SLC9A9: variants seen among roughly 807,000 people sequenced by gnomAD.
SLC9A9 encodes solute carrier family 9 member A9, also known as sodium/hydrogen exchanger 9.
A neutral mutation model predicts 77.8 loss-of-function variants in SLC9A9; 62 were observed. The observed-to-expected ratio is 0.80, with a 90% CI of 0.65 to 0.98. The LOEUF is 0.98. Among genes scored for constraint, SLC9A9 ranks in the 50% least tolerant of loss-of-function variants. SLC9A9 has a pLI of 0.00. For missense variants in SLC9A9, 775 were observed against 774.9 expected (o/e 1.00, Z 0.00); for synonymous variants, 320 against 283.5 (o/e 1.13, Z -1.29).
At chr3:143,553,434 G>A (rs534200483) in intron 8 of SLC9A9, among the ~76,000 whole-genome samples, 1 of 152,122 alleles carries the variant, frequency 6.6e-6, no homozygotes, top group Admixed American at 6.6e-5. Context: ...TCAGACCAAG[G>A]GGATTGAATT....
intron 12 of SLC9A9, among the ~76,000 whole-genome samples, chr3:143,433,921 T>A (rs1483211501): frequency 6.6e-6 from 1 of 152,220 alleles, no homozygotes; most frequent in African/African-American, 2.4e-5. Flanking sequence ...CAGGTTTTTA[T>A]GAGGAAGACT....
At chr3:143,785,999 G>A (rs2008044918) in intron 4 of SLC9A9, among the ~76,000 whole-genome samples, 1 of 151,360 alleles carries the variant, frequency 6.6e-6, no homozygotes, top group Admixed American at 6.6e-5. Context: ...TGGGACTACA[G>A]GCACGCGCCA....
intron 12 of SLC9A9, among the ~76,000 whole-genome samples, chr3:143,387,541 T>C (rs1350090472): frequency 6.6e-6 from 1 of 152,180 alleles, no homozygotes; most frequent in Non-Finnish European, 1.5e-5. Flanking sequence ...TTTAAGCAAG[T>C]TGAGTGCTGC....
intron 6 of SLC9A9, among the ~76,000 whole-genome samples, chr3:143,601,104 G>A (rs1260187473): frequency 6.6e-6 from 1 of 152,142 alleles, no homozygotes; most frequent in Non-Finnish European, 1.5e-5. Flanking sequence ...TTTTCAAAAT[G>A]TCTTGTCTTT....
chr3:143,690,152 T>G (rs184050623), intron 5 of SLC9A9, among the ~76,000 whole-genome samples: 230 of 151,848 alleles, frequency 1.5e-3, no homozygotes, highest in African/African-American at 5.2e-3. Context: ...CAGTTTTTAG[T>G]TATCATATTT....
At chr3:143,631,449 A>T (rs2038421319) in intron 6 of SLC9A9, among the ~76,000 whole-genome samples, 3 of 152,194 alleles carry the variant, frequency 2.0e-5, no homozygotes, top group South Asian at 2.1e-4. Context: ...TATCAAGGAG[A>T]GGGTACTCTT....
chr3:143,309,526 T>A (rs1321891335), intron 14 of SLC9A9, among the ~76,000 whole-genome samples: 1 of 152,162 alleles, frequency 6.6e-6, no homozygotes, highest in Non-Finnish European at 1.5e-5. Flanking sequence ...TTTCATGATT[T>A]CTCAGTAGTT....
At chr3:143,678,895 T>C (rs1932983333) in intron 5 of SLC9A9, among the ~76,000 whole-genome samples, 1 of 152,216 alleles carries the variant, frequency 6.6e-6, no homozygotes, top group Non-Finnish European at 1.5e-5. Context: ...TAGCATCGGC[T>C]ACTGCTTTCC....
At chr3:143,560,612 A>T (rs1456980650) in intron 8 of SLC9A9, among the ~76,000 whole-genome samples, 1 of 152,000 alleles carries the variant, frequency 6.6e-6, no homozygotes, top group Non-Finnish European at 1.5e-5. Context: ...AATTTTTTTT[A>T]CTTTACTTTA....
At chr3:143,342,098 GT>G (rs1216307134) in intron 14 of SLC9A9, 1 of 152,224 alleles carries the variant, frequency 6.6e-6, no homozygotes, top group Non-Finnish European at 1.5e-5. Context: ...GGAAACTATG[GT>G]TATAAGGTTC....
intron 12 of SLC9A9, among the ~76,000 whole-genome samples, chr3:143,466,520 G>A (rs559417736): frequency 1.3e-5 from 2 of 152,316 alleles, no homozygotes; most frequent in African/African-American, 2.4e-5. Flanking sequence ...CTGTATGAAA[G>A]TGTCTAACTT....
chr3:143,746,381 T>C (rs958264683), intron 4 of SLC9A9, among the ~76,000 whole-genome samples: 2 of 152,246 alleles, frequency 1.3e-5, no homozygotes, highest in African/African-American at 4.8e-5. Flanking sequence ...AAGTTTATCC[T>C]GAACATTTCA....
chr3:143,715,584 T>C (rs1162135304), intron 4 of SLC9A9, among the ~76,000 whole-genome samples: 1 of 152,238 alleles, frequency 6.6e-6, no homozygotes, highest in Non-Finnish European at 1.5e-5. Flanking sequence ...CCTGCTAGGA[T>C]GAGGGCAGGG....
intron 12 of SLC9A9, among the ~76,000 whole-genome samples, chr3:143,408,826 G>A (rs1373046126): frequency 6.6e-6 from 1 of 152,042 alleles, no homozygotes; most frequent in African/African-American, 2.4e-5. Context: ...AAAGAGGTAT[G>A]TGCAGCTTAA....
At chr3:143,361,427 C>T (rs984610775) in intron 14 of SLC9A9, among the ~76,000 whole-genome samples, 2 of 152,156 alleles carry the variant, frequency 1.3e-5, no homozygotes, top group Non-Finnish European at 2.9e-5. Context: ...ATGAAGTTCA[C>T]AGGACACATT....
chr3:143,788,779 C>A, intron 4 of SLC9A9, among the ~76,000 whole-genome samples: 2 of 145,744 alleles, frequency 1.4e-5, no homozygotes, highest in African/African-American at 5.1e-5. Context: ...AAGAGGCAAA[C>A]TAAGAAAAAA....
At chr3:143,420,341 T>C (rs2034273853) in intron 12 of SLC9A9, among the ~76,000 whole-genome samples, 1 of 152,226 alleles carries the variant, frequency 6.6e-6, no homozygotes, top group Admixed American at 6.5e-5. Context: ...ACTGAAGCCA[T>C]CAATATTTAT....
At chr3:143,494,384 C>T (rs1470556366) in intron 10 of SLC9A9, among the ~76,000 whole-genome samples, 1 of 152,196 alleles carries the variant, frequency 6.6e-6, no homozygotes, top group East Asian at 1.9e-4. Context: ...GACTCCTTCC[C>T]CGATGGGCTA....
intron 8 of SLC9A9, among the ~76,000 whole-genome samples, chr3:143,564,870 G>T (rs2037143968): frequency 6.6e-6 from 1 of 152,100 alleles, no homozygotes; most frequent in African/African-American, 2.4e-5. Context: ...TATCCTCTAT[G>T]TAAATTCTTC....
Sources: gnomAD v4.1 joint callset for allele counts (sites outside exome capture counted in the v4.1 genomes callset) on GRCh38, gnomAD v4.1.1 for gene constraint, MANE v1.5 for transcripts, NCBI Gene and HGNC (gene_info 2026-07-23, HGNC 2026-07-21) for gene names.